The following ZNF554 variants were observed in gnomAD, a reference collection of about 807,000 sequenced individuals.
ZNF554 encodes zinc finger protein 554.
A neutral mutation model predicts 21.2 loss-of-function variants in ZNF554; 15 were observed. That is an observed-to-expected ratio of 0.71 (90% CI 0.47 to 1.09). The LOEUF (loss-of-function observed/expected upper bound fraction) is 1.09, where lower values mean the gene tolerates loss of function less well. Ranked by LOEUF, ZNF554 falls within the 50% of genes least tolerant of loss-of-function variation. The pLI, the probability that ZNF554 is intolerant of heterozygous loss-of-function variation, is 0.00. For synonymous variants in ZNF554, 258 were observed against 251.4 expected, an observed-to-expected ratio of 1.03 and a Z score of -0.25; for missense variants, 691 against 662.7, an observed-to-expected ratio of 1.04 and a Z score of -0.47.
chr19:2,829,498 G>A (rs545282942), intron 3 of ZNF554, among the ~76,000 whole-genome samples: 4 of 151,774 alleles, frequency 2.6e-5, no homozygotes, highest in African/African-American at 9.7e-5. Context: ...TTAGCCAGGC[G>A]TGGTGGCGCA....
chr19:2,833,001 GCCCCATTTTCTTCTATTTTTTCC>G (rs68053636), intron 4 of ZNF554, among the ~76,000 whole-genome samples: 31,198 of 151,842 alleles, frequency 0.21, 3,983 homozygotes, highest in East Asian at 0.46. Context: ...ATGACTCCTG[GCCCCATTTTCTTCTATTTTTTCC>G]CCCCATTTTC....
At chr19:2,828,304 T>C (rs2087363432) in intron 3 of ZNF554, among the ~76,000 whole-genome samples, 1 of 152,208 alleles carries the variant, frequency 6.6e-6, no homozygotes, top group African/African-American at 2.4e-5. Context: ...GGAGCTGCAG[T>C]GCAATTGCAT....
chr19:2,833,964 C>T lies in ZNF554; in HGVS notation c.729C>T (p.His243=). 2 of 1,614,112 alleles carry T rather than the reference C, an allele frequency of 1.2e-6. No individual in the cohort carries two copies. Among genetic ancestry groups the T allele is most frequent in the Non-Finnish European group, 1.7e-6 (2 of 1,180,040 alleles). The change falls in exon 5 of 5, where the codon CAC becomes CAT. Residue 243 remains histidine (H), a synonymous_variant. Transcript: ENST00000317243. ...VLSQGSSKGN[H]LCGSELDITS... Reference sequence around the variant, plus strand: ...CACAGGGAAGCTCTAAAGGGAACCACTTGTGTGGCAGCGAGTTAGATATTA... The same window carrying T: ...CACAGGGAAGCTCTAAAGGGAACCATTTGTGTGGCAGCGAGTTAGATATTA...
chr19:2,831,912 GC>G (rs1487657971), intron 3 of ZNF554: 1 of 158,732 alleles, frequency 6.3e-6, no homozygotes, highest in Admixed American at 6.2e-5. Context: ...GAGCCACCAC[GC>G]CCAACCAGAT....
intron 3 of ZNF554, chr19:2,832,025 A>G (rs919678523): frequency 1.3e-5 from 3 of 225,756 alleles, no homozygotes; most frequent in Non-Finnish European, 2.6e-5. Context: ...TCCTGGGTTC[A>G]AGTGATTCTC....
intron 3 of ZNF554, among the ~76,000 whole-genome samples, 155 bp downstream of exon 3, chr19:2,827,898 C>G (rs1487111787): frequency 6.6e-6 from 1 of 152,170 alleles, no homozygotes; most frequent in Non-Finnish European, 1.5e-5. Flanking sequence ...CCGGGGAGGG[C>G]TCACAATCAT....
rs1193503439 is a variant in ZNF554, at chr19:2,834,808, T to C, written c.1573T>C (p.Cys525Arg). The C allele has an allele frequency of 6.2e-7, 1 of 1,608,986 alleles. No homozygotes were observed. Among genetic ancestry groups the C allele is most frequent in the South Asian group, 1.1e-5 (1 of 90,832 alleles). Residue 525 changes from cysteine to arginine, a missense_variant, in exon 5 of 5, where the codon TGT (cysteine) becomes CGT (arginine). By Grantham distance (180) the Cys-to-Arg change is radical. Coordinates refer to ENST00000317243, the MANE Select transcript of ZNF554 (RefSeq NM_001102651.2). ...CCAGAAAACCTATAAAATCATTGAC[T>C]GTGGGAAAGCGTTCTACCAGAACAG... is the stretch of plus-strand genomic sequence containing the variant. Reference protein sequence around the residue: ...SSQKTYKIIDCGKAFYQNRHL... With the variant: ...SSQKTYKIIDRGKAFYQNRHL...
At position 2,834,582 on chromosome 19, in the gene ZNF554, C is replaced by T. The variant is rs1287531447; in HGVS notation, c.1347C>T (p.Ser449=). 6.2e-7 allele frequency: 1 copy of T among 1,614,038 alleles called. No homozygotes were observed. Residue 449 remains serine, a synonymous_variant, in exon 5 of 5, where the codon TCC becomes TCT. Transcript: ENST00000317243. ...SECGKAFSDR[S]SLNQHERTHT... Reference sequence around the variant, plus strand: ...GTGGAAAGGCCTTCAGTGACCGTTCCTCTCTCAACCAGCACGAGCGAACTC... The same window carrying T: ...GTGGAAAGGCCTTCAGTGACCGTTCTTCTCTCAACCAGCACGAGCGAACTC...
intron 2 of ZNF554, among the ~76,000 whole-genome samples, chr19:2,824,003 C>T (rs1419540162): frequency 6.6e-5 from 10 of 152,154 alleles, no homozygotes; most frequent in Non-Finnish European, 1.0e-4. Flanking sequence ...AATTAATCTG[C>T]CTCCTGCTGC....
rs1442162633 is a variant in ZNF554 at position 2,836,640 on chromosome 19, C to T, written c.*1788C>T. Reference sequence around the variant, plus strand: ...CCAATTATGTGTGATTTTGTGTTTTCTGCCGTTTCATTTTGTATTGCCATA... The same window carrying T: ...CCAATTATGTGTGATTTTGTGTTTTTTGCCGTTTCATTTTGTATTGCCATA... On this transcript the variant is annotated 3_prime_UTR_variant, in exon 5 of 5. Transcript: ENST00000317243. Among the ~76,000 whole-genome samples, 1 of 152,190 alleles carries T rather than the reference C, an allele frequency of 6.6e-6. No homozygotes were observed. Among genetic ancestry groups the T allele is most frequent in the Non-Finnish European group, 1.5e-5 (1 of 68,038 alleles).
chr19:2,825,444 T>C (rs941988201), intron 2 of ZNF554, among the ~76,000 whole-genome samples: 159 of 152,102 alleles, frequency 1.0e-3, no homozygotes, highest in African/African-American at 3.8e-3. Context: ...CCCAAGTAGC[T>C]GAGATTACGG....
chr19:2,823,023 CT>C lies in ZNF554; in HGVS notation c.54-12del. ...GGCCTGGATCTGGTATTCGCAGCGC[CT>C]TTTTCCTCCCCACAGCTCTGCCTGC... On this transcript the variant is annotated splice_polypyrimidine_tract_variant and intron_variant, in intron 1 of 4. Coordinates refer to ENST00000317243, the MANE Select transcript of ZNF554 (RefSeq NM_001102651.2). 4.3e-6 allele frequency: 7 copies of C among 1,611,624 alleles called. No individual in the cohort carries two copies. Among genetic ancestry groups the C allele is most frequent in the South Asian group, 1.1e-5 (1 of 90,930 alleles).
In ZNF554 at chr19:2,819,916, G is replaced by A. The variant is rs1056204188; in HGVS notation, c.-156G>A. On this transcript the variant is annotated 5_prime_UTR_variant, in exon 1 of 5. Transcript: ENST00000317243. ...CGTCGGGGTTGGTGGCGGCGGCTGC[G>A]GCGAGTTCCTGAGGGGCGCCTGCGG... is the stretch of plus-strand genomic sequence containing the variant. 3.8e-4 allele frequency: 170 copies of A among 445,368 alleles called. No homozygotes were observed. The highest frequency in any genetic ancestry group is 3.4e-3 in the African/African-American group (164 of 48,206). 27.6% of individuals were successfully genotyped at this position (445,368 alleles called of 1,614,324 possible).
At position 2,834,718 on chromosome 19, in the gene ZNF554, C is replaced by T. The variant is rs1393630191; in HGVS notation, c.1483C>T (p.Gln495Ter). Reference sequence around the variant, plus strand: ...CACTGGAGAGAAACCCTACAGGTGTCAGGAATGTGGGAAAGCCTTCAGCCA... The same window carrying T: ...CACTGGAGAGAAACCCTACAGGTGTTAGGAATGTGGGAAAGCCTTCAGCCA... ...THTGEKPYRC[Q>*]ECGKAFSQSS... Residue 495 changes from glutamine (Q) to a stop codon, truncating the protein, a stop_gained, in exon 5 of 5, where the codon CAG (glutamine) becomes TAG (stop). Transcript: ENST00000317243. LOFTEE classifies it low-confidence loss of function (END_TRUNC). 3.7e-6 allele frequency: 6 copies of T among 1,613,694 alleles called. No homozygotes were observed. The highest frequency in any genetic ancestry group is 5.1e-6 in the Non-Finnish European group (6 of 1,179,896).
chr19:2,826,726 A>T (rs1252653300), intron 2 of ZNF554, among the ~76,000 whole-genome samples: 1 of 146,162 alleles, frequency 6.8e-6, no homozygotes, highest in African/African-American at 2.6e-5. Context: ...CAGTGGCGTG[A>T]TCTCGGCTCA....
chr19:2,827,128 G>A (rs1183497281), intron 2 of ZNF554, among the ~76,000 whole-genome samples: 1 of 152,216 alleles, frequency 6.6e-6, no homozygotes, highest in Non-Finnish European at 1.5e-5. Context: ...AATAGCAAAT[G>A]CTGTGACTGA....
In ZNF554 at chr19:2,820,091, T is replaced by G. The variant is rs908520005; in HGVS notation, c.20T>G (p.Leu7Arg). 2.5e-6 allele frequency: 3 copies of G among 1,215,918 alleles called. No individual in the cohort carries two copies. The highest frequency in any genetic ancestry group is 3.1e-6 in the Non-Finnish European group (3 of 977,330). 75.3% of individuals were successfully genotyped at this position (1,215,918 alleles called of 1,614,324 possible). A position where few individuals can be genotyped will look rare whatever the true frequency, so the allele number is the denominator to read the frequency against. MVTCAH[L>R]GRRARLPAAQ... ...GCCCCGATGGTCACCTGCGCCCACCTGGGCCGGCGCGCGCGGCTCCCGGCA... is the reference window on the plus strand; with the variant it reads ...GCCCCGATGGTCACCTGCGCCCACCGGGGCCGGCGCGCGCGGCTCCCGGCA... Residue 7 changes from leucine to arginine, a missense_variant, in exon 1 of 5, where the codon CTG becomes CGG. Transcript: ENST00000317243.
chr19:2,836,161 G>C lies in ZNF554; in HGVS notation c.*1309G>C, dbSNP rs1321384059. On this transcript the variant is annotated 3_prime_UTR_variant, in exon 5 of 5. Transcript: ENST00000317243. ...TTACGGGTGTGAGCCACTGTGCTGG[G>C]ATTACGGGCGTGAGCTGCCCATGCT... Among the ~76,000 whole-genome samples the C allele has an allele frequency of 1.4e-5, 2 of 142,494 alleles. No homozygotes were observed. The highest frequency in any genetic ancestry group is 3.1e-5 in the Non-Finnish European group (2 of 65,148). The allele number at this position is 142,494 out of a possible 152,430, so 93.5% of individuals were successfully genotyped here. A position where few individuals can be genotyped will look rare whatever the true frequency, so the allele number is the denominator to read the frequency against.
Position 2,833,709 on chromosome 19 carries a change from C to T in ZNF554, c.474C>T (p.Asp158=), listed in dbSNP as rs1203352086. The T allele has an allele frequency of 3.3e-6, 5 of 1,533,432 alleles. No individual in the cohort carries two copies. The highest frequency in any genetic ancestry group is 4.4e-6 in the Non-Finnish European group (5 of 1,141,326). The allele number at this position is 1,533,432 out of a possible 1,614,324, so 95.0% of individuals were successfully genotyped here. ...SDWMTVLRNQ[D]STYKKVALQE... ...GGATGACTGTACTAAGAAACCAAGA[C>T]TCAACTTACAAGAAGGTGGCTTTGC... Residue 158 remains aspartate (D), a synonymous_variant, in exon 5 of 5, where the codon GAC becomes GAT. Coordinates refer to ENST00000317243, the MANE Select transcript of ZNF554 (RefSeq NM_001102651.2).
Sources: gnomAD v4.1 joint callset for allele counts (sites outside exome capture counted in the v4.1 genomes callset) on GRCh38, gnomAD v4.1.1 for gene constraint, MANE v1.5 for transcripts, NCBI Gene and HGNC (gene_info 2026-07-23, HGNC 2026-07-21) for gene names.